Variants in PIM3 observed in about 807,000 individuals in gnomAD.
PIM3 encodes serine/threonine-protein kinase pim-3.
PIM3 carries 13 observed loss-of-function variants against 27.5 expected under a neutral mutation model. That is an observed-to-expected ratio of 0.47 (90% CI 0.31 to 0.75). PIM3 has a LOEUF of 0.75. PIM3 is among the 30% of genes least tolerant of loss of function. PIM3 has a pLI of 0.05. For synonymous variants in PIM3, 341 were observed against 221.1 expected, an observed-to-expected ratio of 1.54 and a Z score of -4.81; for missense variants, 482 against 476.9, an observed-to-expected ratio of 1.01 and a Z score of -0.10.
At chr22:49,962,192 G>GC (rs983558930) in intron 4 of PIM3, among the ~76,000 whole-genome samples, 1 of 151,850 alleles carries the variant, frequency 6.6e-6, no homozygotes, top group Non-Finnish European at 1.5e-5. Context: ...GAGCCTGGAG[G>GC]CCCCCGCGGC....
At chr22:49,961,892 C>T in intron 4 of PIM3, 81 bp downstream of exon 4, 1 of 1,561,034 alleles carries the variant, frequency 6.4e-7, no homozygotes, top group South Asian at 1.2e-5. Context: ...CATGGAGGGG[C>T]TGATGACTGT....
In PIM3 at chr22:49,963,377, C is replaced by G; in HGVS notation, c.*250C>G. 1 of 471,372 alleles carries G rather than the reference C, an allele frequency of 2.1e-6. No individual in the cohort carries two copies. The highest frequency in any genetic ancestry group is 3.8e-6 in the Non-Finnish European group (1 of 263,496). 29.2% of individuals were successfully genotyped at this position (471,372 alleles called of 1,614,324 possible). ...CCTGGGTGGATACTTGAACCCCAGA[C>G]GCCCCTCTGTGCTGCTGTGTCCGGA... On this transcript the variant is annotated 3_prime_UTR_variant, in exon 6 of 6. Transcript: ENST00000360612.
rs758415067 is a variant in PIM3, at chr22:49,963,503, G to T, written c.*376G>T. 8 of 186,418 alleles carry T rather than the reference G, an allele frequency of 4.3e-5. No individual in the cohort carries two copies. Among genetic ancestry groups the T allele is most frequent in the Non-Finnish European group, 8.9e-5 (8 of 89,620 alleles). The allele number at this position is 186,418 out of a possible 1,614,324, so 11.5% of individuals were successfully genotyped here. A position where few individuals can be genotyped will look rare whatever the true frequency, so the allele number is the denominator to read the frequency against. Reference sequence around the variant, plus strand: ...AGTCCTGCGGTGTGCGTCTGGGCACGTCCTGCACACACAATGCAAGTCCTG... The same window carrying T: ...AGTCCTGCGGTGTGCGTCTGGGCACTTCCTGCACACACAATGCAAGTCCTG... On this transcript the variant is annotated 3_prime_UTR_variant, in exon 6 of 6. Transcript: ENST00000360612.
At position 49,961,455 on chromosome 22, in the gene PIM3, T is replaced by C. The variant is rs1458491949; in HGVS notation, c.260T>C (p.Val87Ala). 2 of 1,442,850 alleles carry C rather than the reference T, an allele frequency of 1.4e-6. No individual in the cohort carries two copies. The highest frequency in any genetic ancestry group is 3.0e-5 in the African/African-American group (2 of 66,104). The allele number at this position is 1,442,850 out of a possible 1,614,324, so 89.4% of individuals were successfully genotyped here. The change falls in exon 4 of 6, where the codon GTG (valine) becomes GCG (alanine). Residue 87 changes from valine (V) to alanine (A), a missense_variant. Physicochemically the swap from Val to Ala is moderately conservative, Grantham distance 64. Coordinates refer to ENST00000360612, the MANE Select transcript of PIM3 (RefSeq NM_001001852.4). ...CGTGTCCCCCAGGGCGGCGCGACCG[T>C]GCCCCTGGAGGTGGTGCTGCTGCGC... ...TEWGSLGGAT[V>A]PLEVVLLRKV... is the part of the protein sequence containing the mutation.
In PIM3 at chr22:49,963,156, A is replaced by T; in HGVS notation, c.*29A>T. 1 of 1,543,250 alleles carries T rather than the reference A, an allele frequency of 6.5e-7. No homozygotes were observed. The highest frequency in any genetic ancestry group is 8.8e-7 in the Non-Finnish European group (1 of 1,141,812). ...GCTGCACCTGACTGGGAGCTAGGGG[A>T]CCACCTGCCTTGGCCAGACCTGGGA... On this transcript the variant is annotated 3_prime_UTR_variant, in exon 6 of 6. Transcript: ENST00000360612.
chr22:49,961,404 G>T (rs943023286), intron 3 of PIM3, 36 bp downstream of exon 3: 10 of 1,421,992 alleles, frequency 7.0e-6, no homozygotes, highest in Non-Finnish European at 9.2e-6. Context: ...GCGGCGGGGG[G>T]CGGGCGCGGG....
chr22:49,961,113 G>T lies in PIM3; in HGVS notation c.86-12G>T. On this transcript the variant is annotated splice_polypyrimidine_tract_variant and intron_variant, in intron 1 of 5. Coordinates refer to ENST00000360612, the MANE Select transcript of PIM3 (RefSeq NM_001001852.4). ...CCCGGGCCGCACCAACCCCGCCCGC[G>T]CCTCCCTGCAGCCAAGGCGGACAAG... The T allele has an allele frequency of 1.4e-6, 2 of 1,468,184 alleles. No individual in the cohort carries two copies. The highest frequency in any genetic ancestry group is 2.6e-5 in the South Asian group (2 of 76,076). 90.9% of individuals were successfully genotyped at this position (1,468,184 alleles called of 1,614,324 possible).
rs183504919 is a variant in PIM3 at position 49,962,180 on chromosome 22, G to A, written c.616+369G>A. ...GGCGCAGCCGGGCTGGGTCTGCGCCGGGAGCCTGGAGGCCCCCGCGGCGCG... is the reference window on the plus strand; with the variant it reads ...GGCGCAGCCGGGCTGGGTCTGCGCCAGGAGCCTGGAGGCCCCCGCGGCGCG... On this transcript the variant is annotated intron_variant, in intron 4 of 5. Transcript: ENST00000360612. Among the ~76,000 whole-genome samples, 383 of 152,052 alleles carry A rather than the reference G, an allele frequency of 2.5e-3. 1 individual carries two copies. Among genetic ancestry groups the A allele is most frequent in the African/African-American group, 8.2e-3 (340 of 41,510 alleles).
chr22:49,964,024 G>A lies in PIM3; in HGVS notation c.*897G>A, dbSNP rs1056569728. On this transcript the variant is annotated 3_prime_UTR_variant, in exon 6 of 6. Transcript: ENST00000360612. ...TCAGTTCAAAAGTGAGATGTCTGGA[G>A]ATCATATTTTTTTATACAGGTATTT... The A allele has an allele frequency of 3.9e-5, 6 of 152,346 alleles. No homozygotes were observed. Among genetic ancestry groups the A allele is most frequent in the Middle Eastern group, 6.3e-3 (2 of 316 alleles). The allele number at this position is 152,346 out of a possible 1,614,324, so 9.4% of individuals were successfully genotyped here. A position where few individuals can be genotyped will look rare whatever the true frequency, so the allele number is the denominator to read the frequency against.
At position 49,961,154 on chromosome 22, in the gene PIM3, G is replaced by A; in HGVS notation, c.115G>A (p.Ala39Thr). ...GGCGGACAAGGAGAGCTTCGAGAAG[G>A]CGTACCAGGTGGGCGCCGTGCTGGG... ...AKADKESFEK[A>T]YQVGAVLGSG... The change falls in exon 2 of 6, where the codon GCG becomes ACG. Residue 39 changes from alanine (A) to threonine (T), a missense_variant. By Grantham distance (58) the Ala-to-Thr change is moderately conservative. Coordinates refer to ENST00000360612, the MANE Select transcript of PIM3 (RefSeq NM_001001852.4). 1 of 1,526,986 alleles carries A rather than the reference G, an allele frequency of 6.5e-7. No individual in the cohort carries two copies. The highest frequency in any genetic ancestry group is 8.8e-7 in the Non-Finnish European group (1 of 1,140,512). 94.6% of individuals were successfully genotyped at this position (1,526,986 alleles called of 1,614,324 possible).
At position 49,963,328 on chromosome 22, in the gene PIM3, C is replaced by T. The variant is rs564528528; in HGVS notation, c.*201C>T. On this transcript the variant is annotated 3_prime_UTR_variant, in exon 6 of 6. Coordinates refer to ENST00000360612, the MANE Select transcript of PIM3 (RefSeq NM_001001852.4). ...TTCTCAAGCTCTGTCTGTCCAAAGA[C>T]GCTCCGGTCGAGGTCCCGCCTGCCC... 126 of 596,702 alleles carry T rather than the reference C, an allele frequency of 2.1e-4. 1 individual carries two copies. The South Asian group carries it at 2.7e-3, about 13-fold the overall frequency. The allele number at this position is 596,702 out of a possible 1,614,324, so 37.0% of individuals were successfully genotyped here.
chr22:49,962,227 C>A (rs2060911207), intron 4 of PIM3, among the ~76,000 whole-genome samples: 2 of 151,540 alleles, frequency 1.3e-5, no homozygotes, highest in Non-Finnish European at 3.0e-5. Context: ...GGGGCCTCCC[C>A]TGCGTGGGGG....
At position 49,961,830 on chromosome 22, in the gene PIM3, C is replaced by G. The variant is rs780183132; in HGVS notation, c.616+19C>G. 6.2e-7 allele frequency: 1 copy of G among 1,610,306 alleles called. No individual in the cohort carries two copies. The highest frequency in any genetic ancestry group is 1.1e-5 in the South Asian group (1 of 90,764). ...TTCGACGGTGAGCGCGGGCGCGGGG[C>G]AGGGAACGTTCCGGGGGCCTTGCCG... On this transcript the variant is annotated intron_variant, in intron 4 of 5. Transcript: ENST00000360612.
Position 49,961,242 on chromosome 22 carries a change from G to A in PIM3, c.195+8G>A, listed in dbSNP as rs563149145. The A allele has an allele frequency of 1.3e-6, 2 of 1,533,404 alleles. No individual in the cohort carries two copies. The highest frequency in any genetic ancestry group is 1.2e-5 in the South Asian group (1 of 82,592). 95.0% of individuals were successfully genotyped at this position (1,533,404 alleles called of 1,614,324 possible). ...ATCGCCGACGGGCTCCCGGTGAGTC[G>A]GACCGCCGGGCGGGCCCGGGTTTCT... On this transcript the variant is annotated splice_region_variant and intron_variant, in intron 2 of 5. Coordinates refer to ENST00000360612, the MANE Select transcript of PIM3 (RefSeq NM_001001852.4).
chr22:49,962,956 C>G lies in PIM3; in HGVS notation c.810C>G (p.Ile270Met). The G allele has an allele frequency of 6.2e-7, 1 of 1,606,678 alleles. No individual in the cohort carries two copies. Among genetic ancestry groups the G allele is most frequent in the Non-Finnish European group, 8.5e-7 (1 of 1,178,818 alleles). ...TCCGCACAGAGTGCCAGCAGCTGAT[C>G]CGGTGGTGCCTGTCCCTGCGGCCCT... ...RRVSPECQQL[I>M]RWCLSLRPSE... The change falls in exon 6 of 6, where the codon ATC (isoleucine) becomes ATG (methionine). Residue 270 changes from isoleucine to methionine, a missense_variant. Coordinates refer to ENST00000360612, the MANE Select transcript of PIM3 (RefSeq NM_001001852.4).
chr22:49,961,453 C>CGCA lies in PIM3; in HGVS notation c.259_260insCAG (p.Thr86_Val87insAla). On this transcript the variant is annotated inframe_insertion, in exon 4 of 6. Coordinates refer to ENST00000360612, the MANE Select transcript of PIM3 (RefSeq NM_001001852.4). Reference sequence around the variant, plus strand: ...GCCGTGTCCCCCAGGGCGGCGCGACCGTGCCCCTGGAGGTGGTGCTGCTGC... The same window carrying CGCA: ...GCCGTGTCCCCCAGGGCGGCGCGACCGCAGTGCCCCTGGAGGTGGTGCTGCTGC... 6.9e-7 allele frequency: 1 copy of CGCA among 1,440,530 alleles called. No individual in the cohort carries two copies. The highest frequency in any genetic ancestry group is 1.5e-5 in the South Asian group (1 of 68,592). 89.2% of individuals were successfully genotyped at this position (1,440,530 alleles called of 1,614,324 possible).
rs1681572749 is a variant in PIM3 at position 49,963,472 on chromosome 22, G to A, written c.*345G>A. On this transcript the variant is annotated 3_prime_UTR_variant, in exon 6 of 6. Coordinates refer to ENST00000360612, the MANE Select transcript of PIM3 (RefSeq NM_001001852.4). ...GCGCAGGGTCCCAAGCCCACCTCCCGCCCTCAGTCCTGCGGTGTGCGTCTG... is the reference window on the plus strand; with the variant it reads ...GCGCAGGGTCCCAAGCCCACCTCCCACCCTCAGTCCTGCGGTGTGCGTCTG... 1 of 251,366 alleles carries A rather than the reference G, an allele frequency of 4.0e-6. No homozygotes were observed. Among genetic ancestry groups the A allele is most frequent in the Non-Finnish European group, 7.8e-6 (1 of 127,842 alleles). 15.6% of individuals were successfully genotyped at this position (251,366 alleles called of 1,614,324 possible).
In PIM3 at chr22:49,962,974, G is replaced by T. The variant is rs1157386567; in HGVS notation, c.828G>T (p.Leu276=). The change falls in exon 6 of 6, where the codon CTG becomes CTT. Residue 276 remains leucine, a synonymous_variant. Coordinates refer to ENST00000360612, the MANE Select transcript of PIM3 (RefSeq NM_001001852.4). ...AGCTGATCCGGTGGTGCCTGTCCCT[G>T]CGGCCCTCAGAGCGGCCGTCGCTGG... ...CQQLIRWCLS[L]RPSERPSLDQ... 1.9e-6 allele frequency: 3 copies of T among 1,609,458 alleles called. No homozygotes were observed. In the East Asian group the frequency reaches 6.7e-5, roughly 36 times the overall value.
Position 49,960,931 on chromosome 22 carries a change from G to A in PIM3, c.-17G>A, listed in dbSNP as rs777874019. On this transcript the variant is annotated 5_prime_UTR_variant, in exon 1 of 6. Transcript: ENST00000360612. ...CGGCGCCTGGGGCTCGGGGCTCCGG[G>A]GAGGCCGTCGCCCGCGATGCTGCTC... 5.5e-5 allele frequency: 72 copies of A among 1,302,642 alleles called. No homozygotes were observed. Among genetic ancestry groups the A allele is most frequent in the East Asian group, 2.7e-4 (7 of 25,812 alleles). 80.7% of individuals were successfully genotyped at this position (1,302,642 alleles called of 1,614,324 possible).
Sources: gnomAD v4.1 joint callset for allele counts (sites outside exome capture counted in the v4.1 genomes callset) on GRCh38, gnomAD v4.1.1 for gene constraint, MANE v1.5 for transcripts, NCBI Gene and HGNC (gene_info 2026-07-23, HGNC 2026-07-21) for gene names.